The following TNIK variants were observed in gnomAD, a reference collection of about 807,000 sequenced individuals.
TNIK encodes TRAF2 and NCK-interacting protein kinase.
A neutral mutation model predicts 191.3 loss-of-function variants in TNIK; 49 were observed. That is an observed-to-expected ratio of 0.26 (90% CI 0.20 to 0.32). The LOEUF is 0.32. TNIK is among the 10% of genes least tolerant of loss of function. TNIK has a pLI of 1.00. For synonymous variants in TNIK, 594 were observed against 600.9 expected (o/e 0.99, Z 0.17); for missense variants, 1,155 against 1,702.3 (o/e 0.68, Z 5.66).
intron 1 of TNIK, among the ~76,000 whole-genome samples, chr3:171,438,676 G>T (rs1726345747): frequency 6.6e-6 from 1 of 152,176 alleles, no homozygotes; most frequent in Admixed American, 6.6e-5. Flanking sequence ...CAAAAGTAAG[G>T]ATTAACATTA....
intron 4 of TNIK, among the ~76,000 whole-genome samples, chr3:171,207,278 A>G (rs1740210994): frequency 6.6e-6 from 1 of 152,042 alleles, no homozygotes; most frequent in Non-Finnish European, 1.5e-5. Context: ...GGCTGTACCA[A>G]TTTACATTTC....
Position 171,211,227 on chromosome 3 carries a change from T to C in TNIK, c.195A>G (p.Glu65=). 1 of 1,610,478 alleles carries C rather than the reference T, an allele frequency of 6.2e-7. No homozygotes were observed. The change falls in exon 4 of 33, where the codon GAA becomes GAG. Residue 65 remains glutamate (E), a synonymous_variant. Coordinates refer to ENST00000436636, the MANE Select transcript of TNIK (RefSeq NM_015028.4). The part of the protein sequence containing the change: ...VMDVTGDEEE[E]IKQEINMLKK... ...TCAACATGTTAATTTCTTGTTTGAT[T>C]TCTTCCTCTTCATCCTGTATGAGAA...
At chr3:171,189,410 G>A (rs1737754985) in intron 6 of TNIK, among the ~76,000 whole-genome samples, 1 of 152,166 alleles carries the variant, frequency 6.6e-6, no homozygotes, top group Non-Finnish European at 1.5e-5. Flanking sequence ...GTGTACCCAT[G>A]AGGAAGGCAC....
chr3:171,170,524 C>CCCTGGCTGCATTCAATGCAGT (rs1735133893), intron 9 of TNIK, among the ~76,000 whole-genome samples: 1 of 152,190 alleles, frequency 6.6e-6, no homozygotes, highest in Non-Finnish European at 1.5e-5. Context: ...TTCTATGTGT[C>CCCTGGCTGCATTCAATGCAGT]TCAGTTTCCC....
At chr3:171,094,063 A>G (rs1442262903) in intron 22 of TNIK, 95 bp from the exon 23 acceptor site, 8 of 1,417,310 alleles carry the variant, frequency 5.6e-6, no homozygotes, top group South Asian at 1.5e-5. Flanking sequence ...TAAAATATAC[A>G]TATTAATAAC....
intron 2 of TNIK, among the ~76,000 whole-genome samples, chr3:171,262,013 C>T (rs1345027351): frequency 6.6e-6 from 1 of 152,106 alleles, no homozygotes; most frequent in East Asian, 1.9e-4. Context: ...CTTTTCAATC[C>T]TAACCCAGCA....
intron 12 of TNIK, 25 bp from the exon 13 acceptor site, chr3:171,140,534 A>C: frequency 1.2e-6 from 2 of 1,608,736 alleles, no homozygotes; most frequent in Non-Finnish European, 1.7e-6. Flanking sequence ...GCAGACAACC[A>C]TGAAGGCAAC....
chr3:171,115,750 G>T (rs754652914), intron 18 of TNIK, among the ~76,000 whole-genome samples: 8 of 152,214 alleles, frequency 5.3e-5, no homozygotes, highest in Non-Finnish European at 1.0e-4. Context: ...GCCTAGAGGA[G>T]AATGTGTACC....
rs1720699261 is a variant in TNIK, at chr3:171,081,669, T to G, written c.3313+582A>C. ...CTTTTAGGTTGCATTTTTAACTTGT[T>G]ACAAGGCCTTCACTTTAGTCTCCAT... On this transcript the variant is annotated intron_variant, in intron 27 of 32. Coordinates refer to ENST00000436636, the MANE Select transcript of TNIK (RefSeq NM_015028.4). 2.7e-5 allele frequency among the ~76,000 whole-genome samples: 4 copies of G among 150,798 alleles called. No individual in the cohort carries two copies. In the South Asian group the frequency reaches 6.3e-4, roughly 24 times the overall value.
At position 171,166,197 on chromosome 3, in the gene TNIK, T is replaced by G. The variant is rs116125609; in HGVS notation, c.949+898A>C. On this transcript the variant is annotated intron_variant, in intron 10 of 32. Coordinates refer to ENST00000436636, the MANE Select transcript of TNIK (RefSeq NM_015028.4). ...ATTGGAATGCAAAGTTCAAAAGTGATTCTGAAATTACTGGTTTCAAAATTT... is the reference window on the plus strand; with the variant it reads ...ATTGGAATGCAAAGTTCAAAAGTGAGTCTGAAATTACTGGTTTCAAAATTT... Among the ~76,000 whole-genome samples the G allele has an allele frequency of 5.1e-3, 770 of 152,304 alleles. 1 individual carries two copies. Among genetic ancestry groups the G allele is most frequent in the Non-Finnish European group, 8.4e-3 (570 of 68,012 alleles).
At chr3:171,235,016 A>T (rs1016821370) in intron 2 of TNIK, among the ~76,000 whole-genome samples, 1 of 151,980 alleles carries the variant, frequency 6.6e-6, no homozygotes, top group Non-Finnish European at 1.5e-5. Flanking sequence ...CTTTTTAAAA[A>T]TTTTTTATTT....
chr3:171,298,022 TA>T (rs1458618912), intron 2 of TNIK, among the ~76,000 whole-genome samples: 1 of 152,240 alleles, frequency 6.6e-6, no homozygotes, highest in Non-Finnish European at 1.5e-5. Flanking sequence ...GTTGGAATAG[TA>T]GATGCAAACT....
At chr3:171,139,397 C>T in intron 14 of TNIK, 73 bp downstream of exon 14, 4 of 1,343,824 alleles carry the variant, frequency 3.0e-6, no homozygotes, top group Admixed American at 1.7e-5. Flanking sequence ...CACACACACA[C>T]ACACACACAC....
intron 2 of TNIK, among the ~76,000 whole-genome samples, chr3:171,240,276 T>C (rs767957049): frequency 6.6e-6 from 1 of 152,130 alleles, no homozygotes; most frequent in African/African-American, 2.4e-5. Context: ...TAGGAGAGAA[T>C]TGACTATCTG....
chr3:171,206,599 A>C (rs1740122933), intron 4 of TNIK, among the ~76,000 whole-genome samples: 1 of 152,070 alleles, frequency 6.6e-6, no homozygotes, highest in Non-Finnish European at 1.5e-5. Flanking sequence ...TTTAACAAAA[A>C]CTTCCAGGGG....
At chr3:171,376,794 G>GATAGATAGATAGATAGATAGATA (rs1717325139) in intron 1 of TNIK, among the ~76,000 whole-genome samples, 2 of 141,070 alleles carry the variant, frequency 1.4e-5, no homozygotes, top group East Asian at 2.0e-4. Context: ...ATAGATAGAT[G>GATAGATAGATAGATAGATAGATA]AGAGAGATAT....
chr3:171,454,977 CTTTTTT>C (rs1277279077), intron 1 of TNIK, among the ~76,000 whole-genome samples: 5 of 152,038 alleles, frequency 3.3e-5, no homozygotes, highest in African/African-American at 4.8e-5. Flanking sequence ...AGAGAGAAAA[CTTTTTT>C]TAAAAAAGAA....
chr3:171,107,697 A>T (rs1017106489), intron 20 of TNIK, among the ~76,000 whole-genome samples: 1 of 152,242 alleles, frequency 6.6e-6, no homozygotes, highest in African/African-American at 2.4e-5. Flanking sequence ...GGAAAATAAT[A>T]TGGGGAAAGA....
chr3:171,418,213 C>T (rs944772669), intron 1 of TNIK, among the ~76,000 whole-genome samples: 3 of 152,198 alleles, frequency 2.0e-5, no homozygotes, highest in African/African-American at 2.4e-5. Context: ...TTCAAAAATA[C>T]GGCATAAACC....
Sources: gnomAD v4.1 joint callset for allele counts (sites outside exome capture counted in the v4.1 genomes callset) on GRCh38, gnomAD v4.1.1 for gene constraint, MANE v1.5 for transcripts, NCBI Gene and HGNC (gene_info 2026-07-23, HGNC 2026-07-21) for gene names.